THSD7B: variants seen among roughly 807,000 people sequenced by gnomAD.
THSD7B encodes thrombospondin type-1 domain-containing protein 7B.
In THSD7B, 138 loss-of-function variants were observed where a neutral mutation model predicts 213.6. The observed-to-expected ratio is 0.65, with a 90% CI of 0.56 to 0.74. The LOEUF is 0.74. Among genes scored for constraint, THSD7B ranks in the 30% least tolerant of loss-of-function variants. The pLI, the probability that THSD7B is intolerant of heterozygous loss-of-function variation, is 0.00. For synonymous variants in THSD7B, 742 were observed against 687.0 expected, an observed-to-expected ratio of 1.08 and a Z score of -1.25; for missense variants, 1,931 against 1,991.5, an observed-to-expected ratio of 0.97 and a Z score of 0.58.
chr2:136,866,533 G>A (rs1026312552), intron 1 of THSD7B, among the ~76,000 whole-genome samples: 1 of 152,134 alleles, frequency 6.6e-6, no homozygotes, highest in African/African-American at 2.4e-5. Context: ...GGGTGTGGGG[G>A]TTATTTGAAG....
intron 12 of THSD7B, among the ~76,000 whole-genome samples, chr2:137,287,075 C>A (rs2104827437): frequency 6.6e-6 from 1 of 152,106 alleles, no homozygotes; most frequent in Middle Eastern, 3.4e-3. Flanking sequence ...TGATTATACC[C>A]CAATATTTTT....
chr2:137,316,768 AAG>A (rs138207135), intron 12 of THSD7B, among the ~76,000 whole-genome samples: 33,630 of 124,976 alleles, frequency 0.27, 4,819 homozygotes, highest in East Asian at 0.7. Context: ...AAAAAAAAAA[AAG>A]AAAAAGAAAA....
At chr2:137,470,828 G>T (rs186622505) in intron 15 of THSD7B, among the ~76,000 whole-genome samples, 67 of 151,830 alleles carry the variant, frequency 4.4e-4, no homozygotes, top group African/African-American at 1.4e-3. Context: ...AATGTCTATA[G>T]TCTTTAGACA....
intron 2 of THSD7B, among the ~76,000 whole-genome samples, chr2:136,948,136 C>A (rs538842599): frequency 3.3e-5 from 5 of 152,100 alleles, no homozygotes; most frequent in Admixed American, 6.5e-5. Context: ...AATGACTAAA[C>A]CTAGCCTGGA....
At chr2:137,568,367 G>A (rs1318474930) in intron 16 of THSD7B, among the ~76,000 whole-genome samples, 2 of 152,056 alleles carry the variant, frequency 1.3e-5, no homozygotes, top group African/African-American at 2.4e-5. Context: ...TTCCATTCAG[G>A]AACACCCTCA....
chr2:136,846,152 A>G (rs576298777), intron 1 of THSD7B, among the ~76,000 whole-genome samples: 1 of 152,266 alleles, frequency 6.6e-6, no homozygotes, highest in African/African-American at 2.4e-5. Flanking sequence ...TCTTCCAGAT[A>G]AAATGAGGTC....
In THSD7B at chr2:136,776,355, A is replaced by G. The variant is rs374553962; in HGVS notation, c.-36+10668A>G. ...TTTGAAGTCTGGGGTTAAGGAACCTAGGGGTTAAGATTCAACAAAAACAAA... is the reference window on the plus strand; with the variant it reads ...TTTGAAGTCTGGGGTTAAGGAACCTGGGGGTTAAGATTCAACAAAAACAAA... On this transcript the variant is annotated intron_variant, in intron 1 of 27. Coordinates refer to ENST00000409968, the MANE Select transcript of THSD7B (RefSeq NM_001316349.2). Among the ~76,000 whole-genome samples the G allele has an allele frequency of 3.3e-5, 5 of 152,268 alleles. No individual in the cohort carries two copies. In the East Asian group the frequency reaches 9.6e-4, roughly 29 times the overall value.
chr2:137,334,570 C>A (rs1045671394), intron 12 of THSD7B, among the ~76,000 whole-genome samples: 2 of 152,132 alleles, frequency 1.3e-5, no homozygotes, highest in East Asian at 3.9e-4. Flanking sequence ...CCCCATTCCT[C>A]CAGCCCTACT....
intron 3 of THSD7B, among the ~76,000 whole-genome samples, chr2:137,088,199 C>T (rs777720437): frequency 1.5e-4 from 22 of 151,690 alleles, no homozygotes; most frequent in Non-Finnish European, 3.1e-4. Context: ...GAGATTGCAC[C>T]ACTGCACTCC....
At chr2:137,449,038 CAG>C (rs971977643) in intron 14 of THSD7B, among the ~76,000 whole-genome samples, 1 of 151,916 alleles carries the variant, frequency 6.6e-6, no homozygotes, top group Non-Finnish European at 1.5e-5. Flanking sequence ...GGGGAGTTAG[CAG>C]AGGTTTCAAA....
At chr2:137,475,057 G>A (rs1258006464) in intron 15 of THSD7B, among the ~76,000 whole-genome samples, 1 of 152,148 alleles carries the variant, frequency 6.6e-6, no homozygotes, top group Non-Finnish European at 1.5e-5. Context: ...CAGTGACCTC[G>A]ATGTGCTTGA....
chr2:137,087,831 C>T (rs1000231671), intron 3 of THSD7B, among the ~76,000 whole-genome samples: 2 of 152,130 alleles, frequency 1.3e-5, no homozygotes, highest in South Asian at 2.1e-4. Context: ...CAAAAGAGAG[C>T]CTGCATAGCC....
intron 2 of THSD7B, among the ~76,000 whole-genome samples, chr2:136,995,649 G>A (rs558410956): frequency 5.3e-5 from 8 of 152,108 alleles, no homozygotes; most frequent in African/African-American, 1.4e-4. Context: ...TCCCTTATTT[G>A]GACAAAGAAG....
At chr2:137,075,471 C>G (rs571420537) in intron 3 of THSD7B, among the ~76,000 whole-genome samples, 1 of 152,262 alleles carries the variant, frequency 6.6e-6, no homozygotes, top group South Asian at 2.1e-4. Context: ...ATTGGTTATT[C>G]TAGTTATCCA....
intron 1 of THSD7B, among the ~76,000 whole-genome samples, chr2:136,830,093 C>T (rs576616776): frequency 8.6e-4 from 130 of 151,862 alleles, no homozygotes; most frequent in Middle Eastern, 3.4e-3. Flanking sequence ...TCCTAGGTAC[C>T]AGATGTCATT....
At chr2:137,635,561 A>C (rs1456046398) in intron 20 of THSD7B, among the ~76,000 whole-genome samples, 1 of 152,192 alleles carries the variant, frequency 6.6e-6, no homozygotes, top group Admixed American at 6.5e-5. Flanking sequence ...TAATAAGCCC[A>C]GTAAAATACA....
At chr2:137,525,629 TAATG>T (rs1680264001) in intron 15 of THSD7B, among the ~76,000 whole-genome samples, 1 of 152,170 alleles carries the variant, frequency 6.6e-6, no homozygotes, top group Non-Finnish European at 1.5e-5. Context: ...TTGAACATAA[TAATG>T]CAATTTCATT....
intron 2 of THSD7B, among the ~76,000 whole-genome samples, chr2:136,904,806 TA>T (rs1684129550): frequency 4.7e-5 from 1 of 21,108 alleles, no homozygotes; most frequent in Non-Finnish European, 1.0e-4. Context: ...AATCTGAGAA[TA>T]AAAAAAGAGA....
chr2:136,787,939 C>A lies in THSD7B; in HGVS notation c.-36+22252C>A, dbSNP rs370028273. ...TCTCAGATCTGTGATTAGTGTGTAG[C>A]CTGTGTGAGACACAAACCTATGGTT... On this transcript the variant is annotated intron_variant, in intron 1 of 27. Transcript: ENST00000409968. 2.7e-4 allele frequency among the ~76,000 whole-genome samples: 41 copies of A among 152,226 alleles called. 2 individuals carry two copies. In the South Asian group the frequency reaches 7.9e-3, roughly 29 times the overall value.
Sources: gnomAD v4.1 joint callset for allele counts (sites outside exome capture counted in the v4.1 genomes callset) on GRCh38, gnomAD v4.1.1 for gene constraint, MANE v1.5 for transcripts, NCBI Gene and HGNC (gene_info 2026-07-23, HGNC 2026-07-21) for gene names.